The following TBC1D2B variants were observed in gnomAD, a reference collection of about 807,000 sequenced individuals.
TBC1D2B encodes TBC1 domain family member 2B, also known as TBC1 domain family, member 2B.
TBC1D2B carries 64 observed loss-of-function variants against 100.8 expected under a neutral mutation model. That is an observed-to-expected ratio of 0.64 (90% CI 0.52 to 0.78). TBC1D2B has a LOEUF of 0.78. Ranked by LOEUF, TBC1D2B falls within the 30% of genes least tolerant of loss-of-function variation. The probability of loss-of-function intolerance (pLI) is 0.00; values close to 1 mark genes in which losing one functional copy is unlikely to be tolerated. For missense variants in TBC1D2B, 1,052 were observed against 1,218.4 expected (o/e 0.86, Z 2.03); for synonymous variants, 480 against 479.7 (o/e 1.00, Z -0.01).
At chr15:78,037,732 G>A (rs1469673630) in intron 3 of TBC1D2B, among the ~76,000 whole-genome samples, 1 of 152,190 alleles carries the variant, frequency 6.6e-6, no homozygotes, top group Non-Finnish European at 1.5e-5. Flanking sequence ...ATCAATTAAG[G>A]AGTGAGGAAA....
chr15:78,063,537 G>T (rs77324051), intron 1 of TBC1D2B, among the ~76,000 whole-genome samples: 10,181 of 152,150 alleles, frequency 0.067, 432 homozygotes, highest in East Asian at 0.24. Context: ...TATATCAGAT[G>T]CTGGTCCCCA....
chr15:78,019,129 G>A (rs969935584), intron 6 of TBC1D2B, among the ~76,000 whole-genome samples: 2 of 151,946 alleles, frequency 1.3e-5, no homozygotes, highest in Admixed American at 6.6e-5. Context: ...ACTCCCCATC[G>A]CCAAACAAGA....
chr15:78,019,888 CAA>C (rs75813219), intron 6 of TBC1D2B, among the ~76,000 whole-genome samples: 14 of 117,566 alleles, frequency 1.2e-4, no homozygotes, highest in Non-Finnish European at 1.2e-4. Flanking sequence ...GACTCTGTAT[CAA>C]AAAAAAAAAA....
intron 1 of TBC1D2B, among the ~76,000 whole-genome samples, chr15:78,056,957 A>G (rs1447299280): frequency 6.6e-6 from 1 of 152,070 alleles, no homozygotes; most frequent in Non-Finnish European, 1.5e-5. Context: ...AGGTGCCCAG[A>G]CACTTCCTCT....
intron 1 of TBC1D2B, among the ~76,000 whole-genome samples, chr15:78,056,356 T>C (rs756580218): frequency 5.9e-5 from 9 of 152,074 alleles, no homozygotes; most frequent in Non-Finnish European, 1.3e-4. Context: ...AGAGATGGAA[T>C]GGGGAACTTA....
In TBC1D2B at chr15:78,077,401, GAT is replaced by G. The variant is rs2073847867; in HGVS notation, c.250_251del (p.Ile84ArgfsTer59). On this transcript the variant is annotated frameshift_variant, in exon 1 of 13. Transcript: ENST00000300584. LOFTEE classifies it high-confidence loss of function. ...QDALPLGHLD[I>X]ADACFSYQGP... ...CCTGGTAGCTGAAGCAGGCGTCCGC[GAT>G]GTCCAAGTGGCCGAGGGGCAGCGCG... 1 of 1,546,068 alleles carries G rather than the reference GAT, an allele frequency of 6.5e-7. No homozygotes were observed. Among genetic ancestry groups the G allele is most frequent in the South Asian group, 1.2e-5 (1 of 83,672 alleles).
At chr15:78,010,315 C>T (rs1225782470) in intron 9 of TBC1D2B, among the ~76,000 whole-genome samples, 1 of 152,110 alleles carries the variant, frequency 6.6e-6, no homozygotes, top group East Asian at 1.9e-4. Context: ...TGGTATGGCT[C>T]CAAGCGGGAA....
intron 1 of TBC1D2B, among the ~76,000 whole-genome samples, chr15:78,057,581 G>C (rs2073452655): frequency 6.6e-6 from 1 of 152,174 alleles, no homozygotes; most frequent in Non-Finnish European, 1.5e-5. Context: ...AGGAAACGGA[G>C]GTTGCAGTGA....
chr15:78,005,966 A>G (rs894302), intron 10 of TBC1D2B, among the ~76,000 whole-genome samples: 135,241 of 152,254 alleles, frequency 0.89, 60,782 homozygotes, highest in East Asian at 0.99. Flanking sequence ...ACAATGTTCT[A>G]AGCATTACAT....
chr15:78,040,353 C>T (rs891853211), intron 3 of TBC1D2B, among the ~76,000 whole-genome samples: 3 of 152,126 alleles, frequency 2.0e-5, no homozygotes, highest in Non-Finnish European at 4.4e-5. Context: ...CACTCATCTG[C>T]CAGTCTACTG....
chr15:78,056,120 A>G (rs1250179866), intron 1 of TBC1D2B, among the ~76,000 whole-genome samples: 3 of 152,276 alleles, frequency 2.0e-5, no homozygotes, highest in South Asian at 2.1e-4. Context: ...ATAGTAGGTC[A>G]GTATTTACTG....
At chr15:78,021,465 C>T (rs2072514308) in intron 6 of TBC1D2B, among the ~76,000 whole-genome samples, 2 of 152,176 alleles carry the variant, frequency 1.3e-5, no homozygotes, top group East Asian at 1.9e-4. Context: ...TCTGTCAGTG[C>T]GCTCCCTCTT....
intron 2 of TBC1D2B, 138 bp downstream of exon 2, chr15:78,053,896 G>T: frequency 9.9e-7 from 1 of 1,006,046 alleles, no homozygotes; most frequent in Non-Finnish European, 1.4e-6. Flanking sequence ...CTGGGTAACT[G>T]TGGAATGCTG....
chr15:78,076,468 T>A (rs1398042500), intron 1 of TBC1D2B, among the ~76,000 whole-genome samples: 1 of 152,156 alleles, frequency 6.6e-6, no homozygotes, highest in African/African-American at 2.4e-5. Flanking sequence ...CAGTGCTAAA[T>A]GCACTCTGGC....
chr15:78,032,241 T>G (rs536198457), intron 3 of TBC1D2B, among the ~76,000 whole-genome samples: 9 of 152,134 alleles, frequency 5.9e-5, no homozygotes, highest in African/African-American at 2.2e-4. Context: ...GTGGAAAACC[T>G]CATAATTCAC....
rs371782827 is a variant in TBC1D2B at position 78,013,382 on chromosome 15, A to C, written c.1776-65T>G. The C allele has an allele frequency of 2.7e-4, 388 of 1,422,820 alleles. 2 individuals are homozygous for C. The South Asian group carries it at 5.3e-3, about 19-fold the overall frequency. 88.1% of individuals were successfully genotyped at this position (1,422,820 alleles called of 1,614,324 possible). A position where few individuals can be genotyped will look rare whatever the true frequency, so the allele number is the denominator to read the frequency against. ...TTTTAGCAACAAAGACCAATGCAAC[A>C]GAAATAGAGAGTCTAGAAACCAAAT... On this transcript the variant is annotated intron_variant, in intron 8 of 12. Coordinates refer to ENST00000300584, the MANE Select transcript of TBC1D2B (RefSeq NM_144572.2).
chr15:78,019,514 T>C (rs758439113), intron 6 of TBC1D2B, among the ~76,000 whole-genome samples: 50 of 152,082 alleles, frequency 3.3e-4, no homozygotes, highest in Admixed American at 8.5e-4. Context: ...TGACAAGTAC[T>C]TGAAATGTTG....
chr15:78,009,836 G>A (rs544422567), intron 9 of TBC1D2B, among the ~76,000 whole-genome samples: 15 of 152,144 alleles, frequency 9.9e-5, no homozygotes, highest in South Asian at 6.2e-4. Context: ...TTAGCCAGGC[G>A]CGGTGGCGGG....
At chr15:78,044,419 T>C (rs2073153138) in intron 3 of TBC1D2B, among the ~76,000 whole-genome samples, 1 of 152,016 alleles carries the variant, frequency 6.6e-6, no homozygotes, top group African/African-American at 2.4e-5. Context: ...CAGCAAGACC[T>C]CATCTCATAA....
Sources: gnomAD v4.1 joint callset for allele counts (sites outside exome capture counted in the v4.1 genomes callset) on GRCh38, gnomAD v4.1.1 for gene constraint, MANE v1.5 for transcripts, NCBI Gene and HGNC (gene_info 2026-07-23, HGNC 2026-07-21) for gene names.